Variants in FBXL7 observed in about 807,000 individuals in gnomAD.
FBXL7 encodes the protein F-box and leucine rich repeat protein 7, also known as F-box/LRR-repeat protein 7.
A neutral mutation model predicts 38.3 loss-of-function variants in FBXL7; 12 were observed. The observed-to-expected ratio is 0.31, with a 90% confidence interval of 0.20 to 0.51. The LOEUF (loss-of-function observed/expected upper bound fraction) is 0.51, where lower values mean the gene tolerates loss of function less well. Among genes scored for constraint, FBXL7 ranks in the 20% least tolerant of loss-of-function variants. The pLI is 0.98. For synonymous variants in FBXL7, 297 were observed against 300.9 expected (o/e 0.99, Z 0.13); for missense variants, 567 against 676.4 (o/e 0.84, Z 1.79).
intron 2 of FBXL7, among the ~76,000 whole-genome samples, chr5:15,669,674 C>T (rs529878190): frequency 1.3e-5 from 2 of 152,164 alleles, no homozygotes; most frequent in African/African-American, 2.4e-5. Context: ...CACCCGTGCT[C>T]CCTCCCACCC....
At chr5:15,743,951 A>C (rs547698284) in intron 2 of FBXL7, among the ~76,000 whole-genome samples, 1 of 152,268 alleles carries the variant, frequency 6.6e-6, no homozygotes, top group East Asian at 1.9e-4. Flanking sequence ...GCCACGGCTG[A>C]AGTTGAAGCA....
intron 2 of FBXL7, among the ~76,000 whole-genome samples, chr5:15,709,541 G>GA (rs34992219): frequency 0.091 from 8,149 of 89,386 alleles, 227 homozygotes; most frequent in Middle Eastern, 0.15. Flanking sequence ...CTCAAAAAAA[G>GA]AAAAAAAAAA....
intron 2 of FBXL7, among the ~76,000 whole-genome samples, chr5:15,673,184 C>CG (rs985425402): frequency 3.3e-5 from 5 of 151,946 alleles, no homozygotes; most frequent in African/African-American, 1.2e-4. Context: ...GGCCTGGTGG[C>CG]GGGCACCTGT....
At chr5:15,591,897 A>C (rs1397375816) in intron 1 of FBXL7, among the ~76,000 whole-genome samples, 4 of 152,082 alleles carry the variant, frequency 2.6e-5, no homozygotes, top group Non-Finnish European at 5.9e-5. Flanking sequence ...TTTTTAGTAG[A>C]GATGGGGTTT....
chr5:15,631,158 C>T (rs1330073835), intron 2 of FBXL7, among the ~76,000 whole-genome samples: 1 of 152,090 alleles, frequency 6.6e-6, no homozygotes, highest in Non-Finnish European at 1.5e-5. Flanking sequence ...TGAAACTTAA[C>T]CAAATTTACT....
intron 2 of FBXL7, among the ~76,000 whole-genome samples, chr5:15,647,569 G>A (rs534984820): frequency 1.6e-4 from 25 of 152,242 alleles, no homozygotes; most frequent in East Asian, 7.7e-4. Context: ...CGGGGATTGC[G>A]GTGAATGTAG....
At chr5:15,722,035 A>G (rs1266285990) in intron 2 of FBXL7, among the ~76,000 whole-genome samples, 3 of 152,104 alleles carry the variant, frequency 2.0e-5, no homozygotes, top group African/African-American at 4.8e-5. Context: ...GGGTTTCATC[A>G]TATTGGCCAG....
chr5:15,720,415 C>T (rs1300734252), intron 2 of FBXL7, among the ~76,000 whole-genome samples: 2 of 148,534 alleles, frequency 1.3e-5, no homozygotes, highest in Non-Finnish European at 3.0e-5. Context: ...GAGTAAATTA[C>T]TTGGCTTTTC....
rs746470479 is a variant in FBXL7 at position 15,624,408 on chromosome 5, G to A, written c.127+8336G>A. 3.3e-5 allele frequency among the ~76,000 whole-genome samples: 5 copies of A among 152,252 alleles called. 1 individual carries two copies. Among genetic ancestry groups the A allele is most frequent in the African/African-American group, 4.8e-5 (2 of 41,562 alleles). On this transcript the variant is annotated intron_variant, in intron 2 of 3. Transcript: ENST00000504595. ...TTTCCCATTTGTCCTGAGAATCCTC[G>A]CCTGCACTTGTTGCTGCAGCATTTA...
At chr5:15,830,789 A>C (rs1244538964) in intron 2 of FBXL7, among the ~76,000 whole-genome samples, 1 of 152,146 alleles carries the variant, frequency 6.6e-6, no homozygotes, top group African/African-American at 2.4e-5. Flanking sequence ...CTGTGCCCAA[A>C]GGGAGAGAAG....
chr5:15,625,077 C>G (rs966689652), intron 2 of FBXL7, among the ~76,000 whole-genome samples: 1 of 151,956 alleles, frequency 6.6e-6, no homozygotes, highest in African/African-American at 2.4e-5. Flanking sequence ...GAATTATAAG[C>G]CCAATAAGTG....
At chr5:15,687,527 G>A (rs1323088179) in intron 2 of FBXL7, among the ~76,000 whole-genome samples, 2 of 152,180 alleles carry the variant, frequency 1.3e-5, no homozygotes, top group African/African-American at 4.8e-5. Context: ...AGTGGATAAT[G>A]ATCATTTCAT....
In FBXL7 at chr5:15,782,853, G is replaced by T. The variant is rs144662186; in HGVS notation, c.128-145037G>T. 1.5e-3 allele frequency among the ~76,000 whole-genome samples: 229 copies of T among 152,274 alleles called. 4 individuals are homozygous for T. Among genetic ancestry groups the T allele is most frequent in the African/African-American group, 5.3e-3 (220 of 41,554 alleles). On this transcript the variant is annotated intron_variant, in intron 2 of 3. Transcript: ENST00000504595. ...GGTGGCCAAAGGGTGGGAGATGTTT[G>T]AGGAGAAAGGGCACAAATAGTGGAA...
rs947537711 is a variant in FBXL7 at position 15,895,187 on chromosome 5, A to G, written c.128-32703A>G. Among the ~76,000 whole-genome samples, 7 of 152,176 alleles carry G rather than the reference A, an allele frequency of 4.6e-5. No individual in the cohort carries two copies. The East Asian group carries it at 9.6e-4, about 21-fold the overall frequency. ...TGGCAAAAACCTCAATTACCTACCT[A>G]TGTTTGGAAAGATATATATCAAAAA... On this transcript the variant is annotated intron_variant, in intron 2 of 3. Transcript: ENST00000504595.
intron 2 of FBXL7, among the ~76,000 whole-genome samples, chr5:15,721,613 C>G (rs1166984095): frequency 1.3e-5 from 2 of 151,604 alleles, no homozygotes; most frequent in African/African-American, 4.8e-5. Flanking sequence ...TAGAAATATT[C>G]CTTAACTTAC....
rs150668080 is a variant in FBXL7, at chr5:15,592,390, C to T, written c.38-23593C>T. Among the ~76,000 whole-genome samples the T allele has an allele frequency of 3.0e-3, 463 of 152,228 alleles. 2 individuals are homozygous for T. Among genetic ancestry groups the T allele is most frequent in the African/African-American group, 0.011 (447 of 41,544 alleles). On this transcript the variant is annotated intron_variant, in intron 1 of 3. Coordinates refer to ENST00000504595, the MANE Select transcript of FBXL7 (RefSeq NM_012304.5). Reference sequence around the variant, plus strand: ...ATCATGGGCAATTTAAGTTCCTGCGCTCCAGTTCTCTCACCTTGAAAATAG... The same window carrying T: ...ATCATGGGCAATTTAAGTTCCTGCGTTCCAGTTCTCTCACCTTGAAAATAG...
intron 1 of FBXL7, among the ~76,000 whole-genome samples, chr5:15,516,614 A>T (rs1351230707): frequency 2.0e-5 from 3 of 151,970 alleles, no homozygotes; most frequent in African/African-American, 7.3e-5. Flanking sequence ...TAGTTCCCAT[A>T]ATTCTCCCAC....
intron 2 of FBXL7, among the ~76,000 whole-genome samples, chr5:15,628,095 G>C (rs956004986): frequency 2.0e-5 from 3 of 152,192 alleles, no homozygotes; most frequent in African/African-American, 7.2e-5. Context: ...GAAGTCTATG[G>C]GAATTAGGTG....
intron 2 of FBXL7, among the ~76,000 whole-genome samples, chr5:15,905,930 G>A (rs1741347512): frequency 6.6e-6 from 1 of 151,062 alleles, no homozygotes; most frequent in Non-Finnish European, 1.5e-5. Context: ...AACAGGAAGT[G>A]TAACCAACTA....
Sources: allele counts gnomAD v4.1 joint callset (sites outside exome capture counted in the v4.1 genomes callset), GRCh38; gene constraint gnomAD v4.1.1; transcripts MANE v1.5; gene names NCBI Gene and HGNC (gene_info 2026-07-23, HGNC 2026-07-21).